Variants in LHFPL3 observed in about 807,000 individuals in gnomAD.
LHFPL3 encodes the protein LHFPL tetraspan subfamily member 3.
Under a neutral mutation model 19.3 loss-of-function variants are expected in LHFPL3, and 5 were observed. That is an observed-to-expected ratio of 0.26 (90% CI 0.14 to 0.54). The LOEUF is 0.54. Among genes scored for constraint, LHFPL3 ranks in the 20% least tolerant of loss-of-function variants. The pLI is 0.94. For synonymous variants in LHFPL3, 133 were observed against 126.2 expected, an observed-to-expected ratio of 1.05 and a Z score of -0.36; for missense variants, 249 against 307.4, an observed-to-expected ratio of 0.81 and a Z score of 1.42.
intron 2 of LHFPL3, chr7:104,799,564 G>A (rs913085098): frequency 1.3e-5 from 2 of 152,542 alleles, no homozygotes; most frequent in Non-Finnish European, 2.9e-5. Flanking sequence ...GTGTTCCAAA[G>A]CTCCCAAATC....
intron 1 of LHFPL3, among the ~76,000 whole-genome samples, chr7:104,617,639 A>G (rs761950027): frequency 1.3e-5 from 2 of 152,238 alleles, no homozygotes; most frequent in Non-Finnish European, 2.9e-5. Context: ...ACAAAGACAC[A>G]TAGTTGTCAA....
At chr7:104,863,116 CA>C (rs1242665097) in intron 2 of LHFPL3, among the ~76,000 whole-genome samples, 2 of 152,144 alleles carry the variant, frequency 1.3e-5, no homozygotes, top group Non-Finnish European at 2.9e-5. Flanking sequence ...ACCTGCACCC[CA>C]AAAAGATAAT....
chr7:104,481,445 C>T (rs1793134134), intron 1 of LHFPL3, among the ~76,000 whole-genome samples: 4 of 152,276 alleles, frequency 2.6e-5, no homozygotes, highest in Admixed American at 2.6e-4. Context: ...CTCACTTTCC[C>T]TCACCCTAGG....
rs143219775 is a variant in LHFPL3, at chr7:104,778,454, C to T, written c.682+41543C>T. 1.9e-3 allele frequency among the ~76,000 whole-genome samples: 287 copies of T among 152,316 alleles called. 2 individuals carry two copies. Among genetic ancestry groups the T allele is most frequent in the African/African-American group, 6.4e-3 (266 of 41,564 alleles). On this transcript the variant is annotated intron_variant, in intron 2 of 2. Coordinates refer to ENST00000424859, the MANE Select transcript of LHFPL3 (RefSeq NM_199000.3). ...CCACTCCAGAGACTTACCCAAGAGG[C>T]GTCCTGAGCTCCCCAGATTCCCATG...
rs144545055 is a variant in LHFPL3 at position 104,697,006 on chromosome 7, T to C, written c.446-39669T>C. Among the ~76,000 whole-genome samples, 313 of 152,300 alleles carry C rather than the reference T, an allele frequency of 2.1e-3. 1 individual carries two copies. The highest frequency in any genetic ancestry group is 7.1e-3 in the African/African-American group (295 of 41,554). On this transcript the variant is annotated intron_variant, in intron 1 of 2. Coordinates refer to ENST00000424859, the MANE Select transcript of LHFPL3 (RefSeq NM_199000.3). ...GCAGATTTAGTGTCTGGTGAGGGCATGGTTTTTAATTCACAGACAACTGCC... is the reference window on the plus strand; with the variant it reads ...GCAGATTTAGTGTCTGGTGAGGGCACGGTTTTTAATTCACAGACAACTGCC...
intron 1 of LHFPL3, among the ~76,000 whole-genome samples, chr7:104,718,893 T>C (rs1233573169): frequency 6.6e-6 from 1 of 152,184 alleles, no homozygotes; most frequent in African/African-American, 2.4e-5. Flanking sequence ...TTACCTTGCT[T>C]TGGGTGTCAC....
At chr7:104,352,433 A>G (rs1430483545) in intron 1 of LHFPL3, among the ~76,000 whole-genome samples, 2 of 152,114 alleles carry the variant, frequency 1.3e-5, no homozygotes, top group African/African-American at 4.8e-5. Context: ...CAGCACTCTA[A>G]CCACTTTCCC....
chr7:104,363,462 C>A (rs1268252032), intron 1 of LHFPL3, among the ~76,000 whole-genome samples: 2 of 152,244 alleles, frequency 1.3e-5, no homozygotes, highest in Non-Finnish European at 2.9e-5. Context: ...TTGAACCACT[C>A]CTTACTTCTC....
chr7:104,601,717 C>T (rs955739596), intron 1 of LHFPL3, among the ~76,000 whole-genome samples: 1 of 152,186 alleles, frequency 6.6e-6, no homozygotes, highest in African/African-American at 2.4e-5. Flanking sequence ...ACAAACTCAG[C>T]CTGCTCGACT....
At chr7:104,555,567 A>G (rs1794748219) in intron 1 of LHFPL3, among the ~76,000 whole-genome samples, 1 of 152,192 alleles carries the variant, frequency 6.6e-6, no homozygotes. Context: ...CCCAAAATTC[A>G]ATCACCTCTC....
chr7:104,807,594 C>A (rs1790387815), intron 2 of LHFPL3, among the ~76,000 whole-genome samples: 1 of 152,174 alleles, frequency 6.6e-6, no homozygotes, highest in African/African-American at 2.4e-5. Context: ...TTATTTAGCC[C>A]AATGCCTGTA....
At chr7:104,425,382 CAA>C (rs1258185272) in intron 1 of LHFPL3, among the ~76,000 whole-genome samples, 4 of 151,818 alleles carry the variant, frequency 2.6e-5, no homozygotes, top group African/African-American at 9.7e-5. Flanking sequence ...TTCTTATCTG[CAA>C]AAGTTAGATT....
intron 1 of LHFPL3, among the ~76,000 whole-genome samples, chr7:104,586,499 T>C (rs1443193732): frequency 6.6e-6 from 1 of 152,142 alleles, no homozygotes; most frequent in African/African-American, 2.4e-5. Flanking sequence ...TTTCAAAGCA[T>C]TACAACATAG....
intron 1 of LHFPL3, among the ~76,000 whole-genome samples, chr7:104,334,000 T>C (rs1281546075): frequency 6.6e-6 from 1 of 152,232 alleles, no homozygotes; most frequent in Non-Finnish European, 1.5e-5. Flanking sequence ...CATATAATTG[T>C]ACCTGTCAGG....
rs1792646654 is a variant in LHFPL3, at chr7:104,907,663, G to C, written c.*1448G>C. ...CCTAAGGAGAAAACATGGACATGTA[G>C]AATGCTTTTATTCATGTATTCAAAA... On this transcript the variant is annotated 3_prime_UTR_variant, in exon 3 of 3. Transcript: ENST00000424859. 6.6e-6 allele frequency among the ~76,000 whole-genome samples: 1 copy of C among 152,194 alleles called. No homozygotes were observed. Among genetic ancestry groups the C allele is most frequent in the Non-Finnish European group, 1.5e-5 (1 of 68,028 alleles).
intron 1 of LHFPL3, among the ~76,000 whole-genome samples, chr7:104,499,203 G>A (rs1584361785): frequency 6.6e-6 from 1 of 152,208 alleles, no homozygotes; most frequent in African/African-American, 2.4e-5. Flanking sequence ...AGGAGACAGA[G>A]TCTAGTTTTC....
intron 1 of LHFPL3, among the ~76,000 whole-genome samples, chr7:104,530,988 T>C (rs1794284439): frequency 6.6e-6 from 1 of 152,068 alleles, no homozygotes; most frequent in Non-Finnish European, 1.5e-5. Context: ...AGTTATCTCA[T>C]TTCTAAAACA....
At chr7:104,661,819 C>G (rs750916850) in intron 1 of LHFPL3, among the ~76,000 whole-genome samples, 34 of 152,198 alleles carry the variant, frequency 2.2e-4, no homozygotes, top group Admixed American at 8.5e-4. Flanking sequence ...AGAACTTTCA[C>G]CTTTTCACTT....
chr7:104,473,043 T>C (rs373438854), intron 1 of LHFPL3, among the ~76,000 whole-genome samples: 4 of 152,142 alleles, frequency 2.6e-5, no homozygotes, highest in Admixed American at 1.3e-4. Flanking sequence ...ATAATTGTAA[T>C]GAAATCAAGA....
Sources: gnomAD v4.1 joint callset for allele counts (sites outside exome capture counted in the v4.1 genomes callset) on GRCh38, gnomAD v4.1.1 for gene constraint, MANE v1.5 for transcripts, NCBI Gene and HGNC (gene_info 2026-07-23, HGNC 2026-07-21) for gene names.